QRICH1: variants seen among roughly 807,000 people sequenced by gnomAD.
QRICH1 encodes the protein glutamine rich 1, also known as transcriptional regulator QRICH1.
Under a neutral mutation model 87.1 loss-of-function variants are expected in QRICH1, and 16 were observed. The observed-to-expected ratio is 0.18, with a 90% CI of 0.12 to 0.28. The LOEUF (loss-of-function observed/expected upper bound fraction) is 0.28. Ranked by LOEUF, QRICH1 falls within the 10% of genes least tolerant of loss-of-function variation. The pLI is 1.00. For missense variants in QRICH1, 647 were observed against 951.7 expected, an observed-to-expected ratio of 0.68 and a Z score of 4.21; for synonymous variants, 367 against 368.4, an observed-to-expected ratio of 1.00 and a Z score of 0.05.
intron 3 of QRICH1, among the ~76,000 whole-genome samples, chr3:49,048,960 G>A (rs2093354501): frequency 6.6e-6 from 1 of 150,956 alleles, no homozygotes; most frequent in Non-Finnish European, 1.5e-5. Flanking sequence ...GGAGTGCAGT[G>A]GCACGATCTC....
intron 6 of QRICH1, among the ~76,000 whole-genome samples, chr3:49,037,197 A>G (rs1047394088): frequency 6.6e-6 from 1 of 151,978 alleles, no homozygotes; most frequent in Non-Finnish European, 1.5e-5. Flanking sequence ...CATTATGGGC[A>G]CTGTGATCAA....
intron 3 of QRICH1, among the ~76,000 whole-genome samples, chr3:49,051,272 G>A (rs1408565463): frequency 1.3e-5 from 2 of 152,036 alleles, no homozygotes; most frequent in East Asian, 1.9e-4. Context: ...TGGATGCTTT[G>A]GCCTTAACCT....
chr3:49,061,134 TAAAAAAAAAAAAAAA>T (rs57557768), intron 2 of QRICH1, among the ~76,000 whole-genome samples: 16 of 39,742 alleles, frequency 4.0e-4, no homozygotes, highest in Non-Finnish European at 3.2e-4. Flanking sequence ...GCCTCCATCT[TAAAAAAAAAAAAAAA>T]AAAAAAAAAA....
intron 1 of QRICH1, among the ~76,000 whole-genome samples, chr3:49,088,085 G>A (rs2042204343): frequency 6.6e-6 from 1 of 150,502 alleles, no homozygotes; most frequent in South Asian, 2.1e-4. Flanking sequence ...CCAAGTAGCT[G>A]GGACCACAGG....
At chr3:49,033,400 G>T (rs974359991) in intron 6 of QRICH1, 172 bp from the exon 7 acceptor site, 13 of 405,618 alleles carry the variant, frequency 3.2e-5, no homozygotes, top group Non-Finnish European at 5.2e-5. Flanking sequence ...CAGATAGCTG[G>T]GTCCCAATCT....
Position 49,057,976 on chromosome 3 carries a change from C to G in QRICH1, c.310-86G>C. ...GGAAAGAAAGAAAAGAGATCCCAGA[C>G]AGGGGACCTGCAAAATGTGAGAAAA... On this transcript the variant is annotated intron_variant, in intron 2 of 9. Coordinates refer to ENST00000395443, the MANE Select transcript of QRICH1 (RefSeq NM_198880.3). This position sits in a 1 kb window ranked among gnomAD's most constrained non-coding sequence, Gnocchi z 5.4. The G allele has an allele frequency of 2.5e-6, 4 of 1,602,764 alleles. No homozygotes were observed. Among genetic ancestry groups the G allele is most frequent in the Non-Finnish European group, 3.4e-6 (4 of 1,176,968 alleles).
chr3:49,081,932 A>G lies in QRICH1; in HGVS notation c.-21-4894T>C, dbSNP rs1361585565. Among the ~76,000 whole-genome samples, 3 of 151,614 alleles carry G rather than the reference A, an allele frequency of 2.0e-5. No homozygotes were observed. The East Asian group carries it at 5.8e-4, about 29-fold the overall frequency. On this transcript the variant is annotated intron_variant, in intron 1 of 9. Coordinates refer to ENST00000395443, the MANE Select transcript of QRICH1 (RefSeq NM_198880.3). ...CAGCCATTCTCCTGCCTCAGTCTCC[A>G]AAGTAGCTGGGATTACAGGCATACG... is the stretch of plus-strand genomic sequence containing the variant.
rs565849987 is a variant in QRICH1, at chr3:49,030,692, C to G, written c.2139-48G>C. The G allele has an allele frequency of 1.9e-5, 27 of 1,441,170 alleles. No homozygotes were observed. In the East Asian group the frequency reaches 6.0e-4, roughly 32 times the overall value. 89.3% of individuals were successfully genotyped at this position (1,441,170 alleles called of 1,614,324 possible). A position where few individuals can be genotyped will look rare whatever the true frequency, so the allele number is the denominator to read the frequency against. On this transcript the variant is annotated intron_variant, in intron 9 of 9. Coordinates refer to ENST00000395443, the MANE Select transcript of QRICH1 (RefSeq NM_198880.3). Reference sequence around the variant, plus strand: ...TTGGGTACCACCAATATAACTTCAACCCTCCCACCCTGAACTTCCCAGACA... The same window carrying G: ...TTGGGTACCACCAATATAACTTCAAGCCTCCCACCCTGAACTTCCCAGACA...
At chr3:49,079,078 T>C (rs576239406) in intron 1 of QRICH1, among the ~76,000 whole-genome samples, 36 of 151,754 alleles carry the variant, frequency 2.4e-4, no homozygotes, top group Non-Finnish European at 4.4e-4. Flanking sequence ...ACAAAAAATA[T>C]ATAAAAATTA....
chr3:49,085,845 CA>C (rs773743457), intron 1 of QRICH1, among the ~76,000 whole-genome samples: 2 of 151,516 alleles, frequency 1.3e-5, no homozygotes, highest in African/African-American at 2.4e-5. Flanking sequence ...AGATGCTGCA[CA>C]TAAGACACAA....
At chr3:49,084,048 C>T (rs1251940255) in intron 1 of QRICH1, among the ~76,000 whole-genome samples, 2 of 152,116 alleles carry the variant, frequency 1.3e-5, no homozygotes, top group African/African-American at 2.4e-5. Flanking sequence ...GATCCACCCG[C>T]CTCAGCCTCC....
chr3:49,045,653 G>A (rs2093334861), intron 5 of QRICH1, among the ~76,000 whole-genome samples: 1 of 151,720 alleles, frequency 6.6e-6, no homozygotes, highest in East Asian at 1.9e-4. Flanking sequence ...AGGCTGGAGT[G>A]TAGTGACATA....
At chr3:49,058,745 C>T (rs557536397) in intron 2 of QRICH1, among the ~76,000 whole-genome samples, 9 of 152,160 alleles carry the variant, frequency 5.9e-5, no homozygotes, top group Non-Finnish European at 1.5e-5. Flanking sequence ...TCTCTTGCCT[C>T]AGCCTCCTGA....
chr3:49,087,460 A>C (rs2042187386), intron 1 of QRICH1, among the ~76,000 whole-genome samples: 3 of 150,788 alleles, frequency 2.0e-5, no homozygotes, highest in African/African-American at 7.3e-5. Flanking sequence ...CAGGAGAATT[A>C]CTTGAACCCG....
intron 2 of QRICH1, 42 bp downstream of exon 2, chr3:49,076,667 A>T: frequency 7.0e-7 from 1 of 1,429,624 alleles, no homozygotes; most frequent in East Asian, 2.4e-5. Context: ...GACAACAAAT[A>T]AAGTACATTA....
At chr3:49,039,698 G>A (rs576150318) in intron 6 of QRICH1, among the ~76,000 whole-genome samples, 3 of 151,572 alleles carry the variant, frequency 2.0e-5, no homozygotes, top group African/African-American at 7.3e-5. Flanking sequence ...GAAACAGGTG[G>A]TGGTATACAT....
At chr3:49,031,885 C>CG (rs2093242586) in intron 9 of QRICH1, among the ~76,000 whole-genome samples, 1 of 152,138 alleles carries the variant, frequency 6.6e-6, no homozygotes, top group Non-Finnish European at 1.5e-5. Flanking sequence ...AGGTCAAGGT[C>CG]AGGAAGCAGG....
chr3:49,040,944 G>A (rs768628577), intron 6 of QRICH1, among the ~76,000 whole-genome samples: 3 of 152,012 alleles, frequency 2.0e-5, no homozygotes, highest in African/African-American at 7.2e-5. Context: ...ACTTCAATTT[G>A]CAACTCTCTG....
At position 49,032,274 on chromosome 3, in the gene QRICH1, C is replaced by T; in HGVS notation, c.2048-1G>A. The stretch of plus-strand genomic sequence containing the variant: ...TGTTCTGCATACATGTCATCTGTAA[C>T]TATAAAACACACATCCCCACCACCA... On this transcript the variant is annotated splice_acceptor_variant, in intron 8 of 9. Transcript: ENST00000395443. LOFTEE classifies it high-confidence loss of function. 1.2e-6 allele frequency: 2 copies of T among 1,606,566 alleles called. No homozygotes were observed. Among genetic ancestry groups the T allele is most frequent in the Non-Finnish European group, 1.7e-6 (2 of 1,173,842 alleles).
Sources: gnomAD v4.1 joint callset for allele counts (sites outside exome capture counted in the v4.1 genomes callset) on GRCh38, gnomAD v4.1.1 for gene constraint, Gnocchi (gnomAD v3.1) non-coding constraint, MANE v1.5 for transcripts, NCBI Gene and HGNC (gene_info 2026-07-23, HGNC 2026-07-21) for gene names.